ZNF385D: variants seen among roughly 807,000 people sequenced by gnomAD.
The protein encoded by ZNF385D is zinc finger protein 659.
ZNF385D carries 15 observed loss-of-function variants against 35.8 expected under a neutral mutation model. That is an observed-to-expected ratio of 0.42 (90% CI 0.28 to 0.64). ZNF385D has a LOEUF of 0.64. Ranked by LOEUF, ZNF385D falls within the 30% of genes least tolerant of loss-of-function variation. The pLI is 0.23. For synonymous variants in ZNF385D, 212 were observed against 186.8 expected (o/e 1.13, Z -1.10); for missense variants, 474 against 494.6 (o/e 0.96, Z 0.39).
intron 2 of ZNF385D, among the ~76,000 whole-genome samples, chr3:21,640,288 G>A (rs1384366952): frequency 6.6e-6 from 1 of 151,986 alleles, no homozygotes; most frequent in Non-Finnish European, 1.5e-5. Context: ...ATTGAGCCAT[G>A]ATAGTGACTA....
At chr3:22,151,571 A>C (rs1318149216) in intron 3 of ZNF385D, among the ~76,000 whole-genome samples, 1 of 152,162 alleles carries the variant, frequency 6.6e-6, no homozygotes, top group Non-Finnish European at 1.5e-5. Flanking sequence ...GCGTGTGACT[A>C]AAGGCAAGTC....
intron 3 of ZNF385D, among the ~76,000 whole-genome samples, chr3:22,066,461 C>CGT (rs10627614): frequency 0.15 from 14,344 of 97,970 alleles, 1,536 homozygotes; most frequent in East Asian, 0.25. Flanking sequence ...GATGGTTCCC[C>CGT]GTGTGTGTGT....
chr3:22,121,642 A>G (rs976234817), intron 3 of ZNF385D, among the ~76,000 whole-genome samples: 1 of 151,990 alleles, frequency 6.6e-6, no homozygotes, highest in African/African-American at 2.4e-5. Flanking sequence ...TGGGCTTGCA[A>G]AACTTAGGGG....
intron 3 of ZNF385D, among the ~76,000 whole-genome samples, chr3:21,857,965 G>C (rs541403451): frequency 1.3e-5 from 2 of 151,730 alleles, no homozygotes; most frequent in South Asian, 2.1e-4. Flanking sequence ...CCAGGGCCAG[G>C]CATGGTGGTT....
intron 3 of ZNF385D, among the ~76,000 whole-genome samples, chr3:21,808,965 G>T (rs1163654004): frequency 6.6e-6 from 1 of 152,144 alleles, no homozygotes; most frequent in East Asian, 1.9e-4. Flanking sequence ...ACCAGGAAGG[G>T]CATGCATTCT....
At chr3:21,579,039 A>C (rs2063575900) in intron 2 of ZNF385D, 1 of 152,194 alleles carries the variant, frequency 6.6e-6, no homozygotes, top group South Asian at 2.1e-4. Context: ...TATTTTGATT[A>C]GAATCCTGTT....
intron 2 of ZNF385D, among the ~76,000 whole-genome samples, chr3:22,320,380 G>A (rs926291278): frequency 6.6e-6 from 1 of 151,764 alleles, no homozygotes; most frequent in African/African-American, 2.4e-5. Context: ...TTACATAAAG[G>A]ATCATTTCCC....
chr3:21,835,957 T>C lies in ZNF385D; in HGVS notation c.326-170929A>G, dbSNP rs142612368. Among the ~76,000 whole-genome samples, 939 of 152,122 alleles carry C rather than the reference T, an allele frequency of 6.2e-3. 9 individuals are homozygous for C. The highest frequency in any genetic ancestry group is 0.021 in the African/African-American group (883 of 41,496). ...GAAGTGCCTTAATAAGAACACCATTTTGAGTTGAGGTGAGGAGTGAATAGT... is the reference window on the plus strand; with the variant it reads ...GAAGTGCCTTAATAAGAACACCATTCTGAGTTGAGGTGAGGAGTGAATAGT... On this transcript the variant is annotated intron_variant, in intron 3 of 5. Transcript: ENST00000494108.
rs574777556 is a variant in ZNF385D, at chr3:22,044,088, A to G, written c.325+124729T>C. Among the ~76,000 whole-genome samples, 3 of 111,860 alleles carry G rather than the reference A, an allele frequency of 2.7e-5. No homozygotes were observed. In the East Asian group the frequency reaches 1.1e-3, roughly 40 times the overall value. The allele number at this position is 111,860 out of a possible 152,430, so 73.4% of individuals were successfully genotyped here. The stretch of plus-strand genomic sequence containing the variant: ...GATGAGATGAAACACGAAACCTGGG[A>G]AAAACTTTTTTTTTTTTTTTAATGT... On this transcript the variant is annotated intron_variant, in intron 3 of 5. Coordinates refer to the ZNF385D transcript ENST00000494108.
At chr3:21,534,918 TCTCAA>T (rs1470085427) in intron 3 of ZNF385D, among the ~76,000 whole-genome samples, 2 of 152,246 alleles carry the variant, frequency 1.3e-5, no homozygotes, top group Non-Finnish European at 2.9e-5. Flanking sequence ...TTAAAATCTG[TCTCAA>T]CTCTCTTTTC....
At chr3:22,146,637 T>C (rs62248893) in intron 3 of ZNF385D, among the ~76,000 whole-genome samples, 27,657 of 152,134 alleles carry the variant, frequency 0.18, 3,095 homozygotes, top group Non-Finnish European at 0.25. Flanking sequence ...AACTTTTCTC[T>C]AATATTTGTA....
chr3:21,615,793 A>AGTGTGTGTGTGTGT (rs144521609), intron 2 of ZNF385D, among the ~76,000 whole-genome samples: 20,642 of 145,184 alleles, frequency 0.14, 2,232 homozygotes, highest in African/African-American at 0.29. Flanking sequence ...ATGGAGAAAG[A>AGTGTGTGTGTGTGT]GTGTGTGTGT....
rs76007833 is a variant in ZNF385D, at chr3:22,344,334, C to A, written c.106+28116G>T. On this transcript the variant is annotated intron_variant, in intron 2 of 5. Transcript: ENST00000494108. ...TAATTCCTCAGAGCTTCAGTCCCCT[C>A]ATCTTAAAATCAAGGATAATATTAC... 7.3e-3 allele frequency among the ~76,000 whole-genome samples: 1,109 copies of A among 152,134 alleles called. 15 individuals carry two copies. The highest frequency in any genetic ancestry group is 0.025 in the African/African-American group (1,028 of 41,504).
intron 4 of ZNF385D, 71 bp downstream of exon 4, chr3:21,510,790 T>G: frequency 6.3e-7 from 1 of 1,583,866 alleles, no homozygotes; most frequent in Non-Finnish European, 8.6e-7. Flanking sequence ...TAAACAGACA[T>G]GGGGCTAGAC....
intron 3 of ZNF385D, among the ~76,000 whole-genome samples, chr3:21,923,453 T>C (rs1044050341): frequency 2.0e-5 from 3 of 152,122 alleles, no homozygotes; most frequent in Admixed American, 2.0e-4. Context: ...AGTTTGGAGA[T>C]TTCCCACCAA....
rs189456474 is a variant in ZNF385D at position 22,244,232 on chromosome 3, A to G, written c.107-75197T>C. On this transcript the variant is annotated intron_variant, in intron 2 of 5. Coordinates refer to the ZNF385D transcript ENST00000494108. ...TTTGCAATACCTGCAGTTTGCCACA[A>G]TATGTTGTTTTGTTATAACAGCCTT... 5.6e-4 allele frequency among the ~76,000 whole-genome samples: 84 copies of G among 150,634 alleles called. 4 individuals are homozygous for G. Among genetic ancestry groups the G allele is most frequent in the Middle Eastern group, 3.5e-3 (1 of 286 alleles).
In ZNF385D at chr3:21,831,822, T is replaced by G. The variant is rs570227523; in HGVS notation, c.326-166794A>C. 5.8e-4 allele frequency among the ~76,000 whole-genome samples: 89 copies of G among 152,314 alleles called. No homozygotes were observed. In the Middle Eastern group the frequency reaches 0.01, roughly 17 times the overall value. On this transcript the variant is annotated intron_variant, in intron 3 of 5. Coordinates refer to the ZNF385D transcript ENST00000494108. Reference sequence around the variant, plus strand: ...AGGATGTATTTTGTTACCCTGTATTTTGGCTATTTTATCTTTAAAATTACA... The same window carrying G: ...AGGATGTATTTTGTTACCCTGTATTGTGGCTATTTTATCTTTAAAATTACA...
At chr3:21,826,483 T>C (rs1694637223) in intron 3 of ZNF385D, among the ~76,000 whole-genome samples, 1 of 152,170 alleles carries the variant, frequency 6.6e-6, no homozygotes, top group South Asian at 2.1e-4. Context: ...GAGTTGTTGA[T>C]GTCTAAACAA....
At chr3:22,167,845 A>T (rs564520533) in intron 3 of ZNF385D, among the ~76,000 whole-genome samples, 1 of 152,338 alleles carries the variant, frequency 6.6e-6, no homozygotes, top group Non-Finnish European at 1.5e-5. Context: ...AACGTCATAC[A>T]TTTGAAAGAA....
Sources: allele counts gnomAD v4.1 joint callset (sites outside exome capture counted in the v4.1 genomes callset), GRCh38; gene constraint gnomAD v4.1.1; transcripts MANE v1.5; gene names NCBI Gene and HGNC (gene_info 2026-07-23, HGNC 2026-07-21).